Variants in DCT observed in about 807,000 individuals in gnomAD.
DCT encodes the protein dopachrome tautomerase, also known as L-dopachrome tautomerase.
DCT carries 47 observed loss-of-function variants against 53.0 expected under a neutral mutation model. That is an observed-to-expected ratio of 0.89 (90% confidence interval 0.70 to 1.13). The LOEUF (loss-of-function observed/expected upper bound fraction) is 1.13, where lower values mean the gene tolerates loss of function less well. Ranked by LOEUF, DCT falls within the 50% of genes most tolerant of loss-of-function variation. DCT has a pLI of 0.00. For synonymous variants in DCT, 244 were observed against 237.0 expected (o/e 1.03, Z -0.27); for missense variants, 669 against 637.4 (o/e 1.05, Z -0.53).
the DCT span, among the ~76,000 whole-genome samples, chr13:94,492,725 A>G: frequency 6.6e-6 from 1 of 152,214 alleles, no homozygotes; most frequent in Admixed American, 6.5e-5. Context: ...ACTGAAGAAC[A>G]CAAAGATGTA....
At chr13:94,522,682 G>T in the DCT span, among the ~76,000 whole-genome samples, 1 of 152,188 alleles carries the variant, frequency 6.6e-6, no homozygotes, top group African/African-American at 2.4e-5. Flanking sequence ...AGCCTACAGG[G>T]TATGTTGACA....
At chr13:94,522,680 G>C in the DCT span, among the ~76,000 whole-genome samples, 2 of 152,204 alleles carry the variant, frequency 1.3e-5, no homozygotes, top group Non-Finnish European at 1.5e-5. Flanking sequence ...GGAGCCTACA[G>C]GGTATGTTGA....
chr13:94,545,765 T>A, the DCT span, among the ~76,000 whole-genome samples: 3 of 152,058 alleles, frequency 2.0e-5, no homozygotes, highest in Non-Finnish European at 4.4e-5. Flanking sequence ...TCATTTCATA[T>A]ATATAAGCGG....
chr13:94,457,393 T>C (rs1594292623), intron 6 of DCT, among the ~76,000 whole-genome samples: 1 of 152,308 alleles, frequency 6.6e-6, no homozygotes, highest in South Asian at 2.1e-4. Flanking sequence ...TATATGAGGA[T>C]GCAGCTAGAA....
chr13:94,513,341 C>G, the DCT span, among the ~76,000 whole-genome samples: 2 of 152,130 alleles, frequency 1.3e-5, no homozygotes, highest in Admixed American at 1.3e-4. Flanking sequence ...TTACTCTCTC[C>G]ACTCAAAGTG....
the DCT span, among the ~76,000 whole-genome samples, chr13:94,499,747 A>G: frequency 2.0e-5 from 3 of 152,174 alleles, no homozygotes; most frequent in Non-Finnish European, 2.9e-5. Context: ...GGAGAATATT[A>G]AACTGACCTC....
the DCT span, among the ~76,000 whole-genome samples, chr13:94,492,742 A>G: frequency 1.3e-5 from 2 of 152,234 alleles, no homozygotes; most frequent in African/African-American, 4.8e-5. Context: ...TGTACAGAAA[A>G]GAAAATGTAA....
At chr13:94,476,899 C>A (rs9301960) in intron 1 of DCT, among the ~76,000 whole-genome samples, 54,866 of 151,962 alleles carry the variant, frequency 0.36, 10,236 homozygotes, top group Non-Finnish European at 0.4. Flanking sequence ...TCGTCTAAAA[C>A]ACCATGATAA....
the DCT span, among the ~76,000 whole-genome samples, chr13:94,503,726 T>C: frequency 2.6e-5 from 4 of 152,208 alleles, no homozygotes; most frequent in East Asian, 7.7e-4. Context: ...TGCCTATACC[T>C]TGATTTCAGA....
At chr13:94,514,010 AAGAT>A in the DCT span, among the ~76,000 whole-genome samples, 12 of 151,228 alleles carry the variant, frequency 7.9e-5, no homozygotes, top group African/African-American at 2.9e-4. Flanking sequence ...AAAAAAAAAA[AAGAT>A]AGATACCTAT....
In DCT at chr13:94,479,411, T is replaced by A; in HGVS notation, c.-156A>T. On this transcript the variant is annotated 5_prime_UTR_variant, in exon 1 of 8. Coordinates refer to ENST00000377028, the MANE Select transcript of DCT (RefSeq NM_001922.5). ...CTTCTTAAAAAAATACCCACAAGAATCACAGAGGTTACATGTGTGCACATG... is the reference window on the plus strand; with the variant it reads ...CTTCTTAAAAAAATACCCACAAGAAACACAGAGGTTACATGTGTGCACATG... The A allele has an allele frequency of 1.4e-6, 1 of 716,380 alleles. No individual in the cohort carries two copies. The highest frequency in any genetic ancestry group is 4.0e-4 in the Middle Eastern group (1 of 2,474). 44.4% of individuals were successfully genotyped at this position (716,380 alleles called of 1,614,324 possible). A position where few individuals can be genotyped will look rare whatever the true frequency, so the allele number is the denominator to read the frequency against.
intron 6 of DCT, chr13:94,445,831 G>A (rs1882684616): frequency 8.9e-7 from 1 of 1,126,114 alleles, no homozygotes; most frequent in Middle Eastern, 2.4e-4. Flanking sequence ...GCTGAATTGG[G>A]ACCCGCTGCC....
chr13:94,492,904 G>A, the DCT span, among the ~76,000 whole-genome samples: 179 of 152,028 alleles, frequency 1.2e-3, no homozygotes, highest in Middle Eastern at 0.014. Flanking sequence ...ACCCCTGATC[G>A]ACGTACATAT....
At chr13:94,510,213 G>A in the DCT span, among the ~76,000 whole-genome samples, 1 of 152,062 alleles carries the variant, frequency 6.6e-6, no homozygotes, top group African/African-American at 2.4e-5. Flanking sequence ...TCACTGGATG[G>A]CTCTACAAAG....
intron 6 of DCT, among the ~76,000 whole-genome samples, chr13:94,450,314 GAGAAAAAAAAAGAT>G (rs747415402): frequency 5.3e-5 from 8 of 151,656 alleles, no homozygotes; most frequent in Non-Finnish European, 8.8e-5. Context: ...AACCACGGAA[GAGAAAAAAAAAGAT>G]ATTGGAGCAA....
At chr13:94,477,846 A>G (rs1434361538) in intron 1 of DCT, among the ~76,000 whole-genome samples, 1 of 152,114 alleles carries the variant, frequency 6.6e-6, no homozygotes, top group African/African-American at 2.4e-5. Context: ...CCCAGCCTAC[A>G]ACAGTGTCCA....
intron 4 of DCT, among the ~76,000 whole-genome samples, chr13:94,463,093 G>A (rs1201657046): frequency 6.6e-6 from 1 of 152,082 alleles, no homozygotes; most frequent in Non-Finnish European, 1.5e-5. Context: ...CTATGGCCTG[G>A]ATTCCAACAT....
the DCT span, among the ~76,000 whole-genome samples, chr13:94,520,823 A>G: frequency 6.6e-6 from 1 of 152,220 alleles, no homozygotes; most frequent in Admixed American, 6.5e-5. Flanking sequence ...ATACCTTTCT[A>G]TAATAATTAG....
At chr13:94,543,105 C>T in the DCT span, among the ~76,000 whole-genome samples, 1 of 152,146 alleles carries the variant, frequency 6.6e-6, no homozygotes, top group Non-Finnish European at 1.5e-5. Context: ...TTTGGTTTAT[C>T]TCAGGATGCC....
Sources: allele counts gnomAD v4.1 joint callset (sites outside exome capture counted in the v4.1 genomes callset), GRCh38; gene constraint gnomAD v4.1.1; transcripts MANE v1.5; gene names NCBI Gene and HGNC (gene_info 2026-07-23, HGNC 2026-07-21).